The following UBE2D4 variants were observed in gnomAD, a reference collection of about 807,000 sequenced individuals.
UBE2D4 encodes the protein ubiquitin conjugating enzyme E2 D4.
A neutral mutation model predicts 23.0 loss-of-function variants in UBE2D4; 17 were observed. That is an observed-to-expected ratio of 0.74 (90% CI 0.51 to 1.11). UBE2D4 has a LOEUF of 1.11. Among genes scored for constraint, UBE2D4 ranks in the 50% least tolerant of loss-of-function variants. The pLI is 0.00. For missense variants in UBE2D4, 139 were observed against 181.8 expected (o/e 0.76, Z 1.35); for synonymous variants, 61 against 69.4 (o/e 0.88, Z 0.60).
In UBE2D4 at chr7:43,953,892, G is replaced by A. The variant is rs1405072837; in HGVS notation, c.*1197G>A. 2 of 152,326 alleles carry A rather than the reference G, an allele frequency of 1.3e-5. No individual in the cohort carries two copies. The highest frequency in any genetic ancestry group is 3.8e-4 in the East Asian group (2 of 5,198). 9.4% of individuals were successfully genotyped at this position (152,326 alleles called of 1,614,324 possible). ...AGCTGGTCCACTTCCAGGAAGTGAT[G>A]TGTAGGTGAATAGGAACAAAAGGTG... On this transcript the variant is annotated 3_prime_UTR_variant, in exon 7 of 7. Transcript: ENST00000222402.
intron 1 of UBE2D4, among the ~76,000 whole-genome samples, chr7:43,932,984 G>GTATATATATATATATATATA (rs57093593): frequency 3.5e-5 from 3 of 85,810 alleles, no homozygotes; most frequent in African/African-American, 1.3e-4. Context: ...AAATGTTAAA[G>GTATATATATATATATATATA]TATATATATA....
chr7:43,928,015 C>G (rs1375122613), intron 1 of UBE2D4: 1 of 451,272 alleles, frequency 2.2e-6, no homozygotes, highest in Non-Finnish European at 4.4e-6. Flanking sequence ...GTTCTGCAGG[C>G]TGTACAAGAA....
Position 43,954,631 on chromosome 7 carries a change from A to G in UBE2D4, c.*1936A>G, listed in dbSNP as rs1423170019. On this transcript the variant is annotated 3_prime_UTR_variant, in exon 7 of 7. Transcript: ENST00000222402. ...TTGGTCTTTGCTTAAACAAAACAAT[A>G]AAGCTTAATAGTTGGGGAGAATGCT... The G allele has an allele frequency of 6.6e-6, 1 of 152,138 alleles. No individual in the cohort carries two copies. The highest frequency in any genetic ancestry group is 2.4e-5 in the African/African-American group (1 of 41,416). The allele number at this position is 152,138 out of a possible 1,614,324, so 9.4% of individuals were successfully genotyped here.
intron 1 of UBE2D4, among the ~76,000 whole-genome samples, chr7:43,932,839 A>G (rs1289388598): frequency 6.6e-6 from 1 of 150,604 alleles, no homozygotes; most frequent in Non-Finnish European, 1.5e-5. Flanking sequence ...TAATAATAGA[A>G]AAAAAGAAAA....
chr7:43,926,509 C>T lies in UBE2D4; in HGVS notation c.-24C>T. On this transcript the variant is annotated 5_prime_UTR_variant, in exon 1 of 7. Coordinates refer to ENST00000222402, the MANE Select transcript of UBE2D4 (RefSeq NM_015983.4). ...CCTCAGGCAGCCCCGGCCGGGCCGC[C>T]CGGGTCCCCGGCAGCGGGGTAGGAT... The T allele has an allele frequency of 6.6e-7, 1 of 1,519,684 alleles. No individual in the cohort carries two copies. Among genetic ancestry groups the T allele is most frequent in the Non-Finnish European group, 8.8e-7 (1 of 1,134,736 alleles). 94.1% of individuals were successfully genotyped at this position (1,519,684 alleles called of 1,614,324 possible).
intron 1 of UBE2D4, among the ~76,000 whole-genome samples, chr7:43,934,651 T>TC (rs1554295273): frequency 2.6e-5 from 4 of 151,030 alleles, no homozygotes; most frequent in African/African-American, 2.4e-5. Context: ...TTTTTTTTTT[T>TC]CCCACAAGAA....
intron 1 of UBE2D4, among the ~76,000 whole-genome samples, chr7:43,934,907 T>C (rs987468370): frequency 5.9e-5 from 9 of 152,140 alleles, no homozygotes; most frequent in African/African-American, 2.2e-4. Flanking sequence ...TAGGGAAATA[T>C]ATAGTGGTGC....
intron 5 of UBE2D4, chr7:43,949,077 C>T (rs1234151734): frequency 2.6e-6 from 1 of 387,928 alleles, no homozygotes; most frequent in Non-Finnish European, 4.6e-6. Flanking sequence ...CTCATTTATT[C>T]ATCTAATAAG....
intron 2 of UBE2D4, among the ~76,000 whole-genome samples, chr7:43,940,296 G>A (rs924804110): frequency 1.3e-5 from 2 of 152,176 alleles, no homozygotes; most frequent in Admixed American, 1.3e-4. Flanking sequence ...TCATCACTCT[G>A]CTCCCCACTA....
intron 1 of UBE2D4, among the ~76,000 whole-genome samples, chr7:43,936,818 A>G (rs2095959769): frequency 6.6e-6 from 1 of 152,218 alleles, no homozygotes; most frequent in Non-Finnish European, 1.5e-5. Context: ...GTATGATTAC[A>G]ACTTAACAGG....
chr7:43,932,971 A>G (rs2095949249), intron 1 of UBE2D4, among the ~76,000 whole-genome samples: 1 of 129,508 alleles, frequency 7.7e-6, no homozygotes, highest in Non-Finnish European at 1.6e-5. Context: ...TCCTGGGGGC[A>G]ACAAATGTTA....
At chr7:43,932,695 A>G (rs1366465839) in intron 1 of UBE2D4, among the ~76,000 whole-genome samples, 1 of 152,098 alleles carries the variant, frequency 6.6e-6, no homozygotes, top group Non-Finnish European at 1.5e-5. Flanking sequence ...CGGGAGGCTG[A>G]GGCATAAGAA....
intron 4 of UBE2D4, among the ~76,000 whole-genome samples, chr7:43,948,157 A>G (rs1254433870): frequency 1.3e-5 from 2 of 152,174 alleles, no homozygotes; most frequent in Non-Finnish European, 2.9e-5. Context: ...GTTCACTCTG[A>G]TGATAGTTTC....
intron 6 of UBE2D4, among the ~76,000 whole-genome samples, chr7:43,951,226 C>T (rs976699995): frequency 1.3e-5 from 2 of 152,106 alleles, no homozygotes; most frequent in African/African-American, 4.8e-5. Context: ...ATTAACAGAC[C>T]CAGAATTGTA....
rs1182564346 is a variant in UBE2D4, at chr7:43,955,145, A to T, written c.*2450A>T. On this transcript the variant is annotated 3_prime_UTR_variant, in exon 7 of 7. Transcript: ENST00000222402. ...CTTTGAGGGGTTCAGGTCAGCCTGGAGAACAGGCTCCTTAGGTCAAAAACC... is the reference window on the plus strand; with the variant it reads ...CTTTGAGGGGTTCAGGTCAGCCTGGTGAACAGGCTCCTTAGGTCAAAAACC... 6.6e-6 allele frequency: 1 copy of T among 152,196 alleles called. No homozygotes were observed. Among genetic ancestry groups the T allele is most frequent in the Non-Finnish European group, 1.5e-5 (1 of 68,050 alleles). 9.4% of individuals were successfully genotyped at this position (152,196 alleles called of 1,614,324 possible).
intron 5 of UBE2D4, among the ~76,000 whole-genome samples, chr7:43,949,675 T>G (rs1265709555): frequency 2.8e-4 from 42 of 152,146 alleles, no homozygotes; most frequent in Non-Finnish European, 1.5e-5. Context: ...AAGTGTGCAT[T>G]TCTCTCTGGG....
Position 43,952,711 on chromosome 7 carries a change from T to G in UBE2D4, c.*16T>G. The G allele has an allele frequency of 6.2e-7, 1 of 1,608,352 alleles. No homozygotes were observed. The highest frequency in any genetic ancestry group is 8.5e-7 in the Non-Finnish European group (1 of 1,174,834). On this transcript the variant is annotated 3_prime_UTR_variant, in exon 7 of 7. Coordinates refer to ENST00000222402, the MANE Select transcript of UBE2D4 (RefSeq NM_015983.4). ...TGCTATGTAAGTGCCTTGGAGGTTT[T>G]ACATGAGACACTGTCCAAGAGAAGC... is the stretch of plus-strand genomic sequence containing the variant.
Position 43,952,883 on chromosome 7 carries a change from C to T in UBE2D4, c.*188C>T. On this transcript the variant is annotated 3_prime_UTR_variant, in exon 7 of 7. Coordinates refer to ENST00000222402, the MANE Select transcript of UBE2D4 (RefSeq NM_015983.4). ...TTCAGCAATTACGGCTTTGACAGTG[C>T]CACCTCTTTGATGCCAAATCAGCAA... is the stretch of plus-strand genomic sequence containing the variant. The T allele has an allele frequency of 1.8e-6, 1 of 558,338 alleles. No homozygotes were observed. The highest frequency in any genetic ancestry group is 1.9e-5 in the South Asian group (1 of 52,948). 34.6% of individuals were successfully genotyped at this position (558,338 alleles called of 1,614,324 possible).
In UBE2D4 at chr7:43,953,859, G is replaced by A. The variant is rs982794834; in HGVS notation, c.*1164G>A. 2 of 152,528 alleles carry A rather than the reference G, an allele frequency of 1.3e-5. No individual in the cohort carries two copies. Among genetic ancestry groups the A allele is most frequent in the Non-Finnish European group, 2.9e-5 (2 of 68,272 alleles). 9.4% of individuals were successfully genotyped at this position (152,528 alleles called of 1,614,324 possible). A position where few individuals can be genotyped will look rare whatever the true frequency, so the allele number is the denominator to read the frequency against. ...AAATTCAACCTGATCTTTCTAGGTT[G>A]GTTATAAAGCTGGTCCACTTCCAGG... On this transcript the variant is annotated 3_prime_UTR_variant, in exon 7 of 7. Coordinates refer to ENST00000222402, the MANE Select transcript of UBE2D4 (RefSeq NM_015983.4).
Sources: gnomAD v4.1 joint callset for allele counts (sites outside exome capture counted in the v4.1 genomes callset) on GRCh38, gnomAD v4.1.1 for gene constraint, MANE v1.5 for transcripts, NCBI Gene and HGNC (gene_info 2026-07-23, HGNC 2026-07-21) for gene names.